The following GREB1L variants were observed in gnomAD, a reference collection of about 807,000 sequenced individuals.
GREB1L encodes GREB1 like retinoic acid receptor coactivator.
GREB1L carries 17 observed loss-of-function variants against 200.8 expected under a neutral mutation model. That is an observed-to-expected ratio of 0.08 (90% CI 0.06 to 0.13). The LOEUF is 0.13. Ranked by LOEUF, GREB1L falls within the 10% of genes least tolerant of loss-of-function variation. GREB1L has a pLI of 1.00. For synonymous variants in GREB1L, 789 were observed against 893.0 expected, an observed-to-expected ratio of 0.88 and a Z score of 2.08; for missense variants, 1,657 against 2,367.7, an observed-to-expected ratio of 0.70 and a Z score of 6.23.
intron 1 of GREB1L, among the ~76,000 whole-genome samples, chr18:21,273,415 A>G (rs567496816): frequency 5.9e-4 from 90 of 152,128 alleles, no homozygotes; most frequent in Non-Finnish European, 3.4e-4. Flanking sequence ...GTGGCCTTAT[A>G]TTTCACATCT....
At chr18:21,379,480 C>G (rs561439595) in intron 2 of GREB1L, among the ~76,000 whole-genome samples, 1 of 152,300 alleles carries the variant, frequency 6.6e-6, no homozygotes, top group South Asian at 2.1e-4. Context: ...GCTGAGATTA[C>G]TGATGTGAGC....
At chr18:21,457,395 C>G (rs2034817297) in intron 15 of GREB1L, among the ~76,000 whole-genome samples, 2 of 152,142 alleles carry the variant, frequency 1.3e-5, no homozygotes, top group African/African-American at 4.8e-5. Context: ...ACAATCACTT[C>G]TGTATATTTA....
At chr18:21,282,081 T>A (rs893361493) in intron 1 of GREB1L, among the ~76,000 whole-genome samples, 10 of 152,090 alleles carry the variant, frequency 6.6e-5, no homozygotes, top group African/African-American at 2.4e-4. Context: ...GAGACCAGCC[T>A]GAGTGACTTA....
rs1363959539 is a variant in GREB1L, at chr18:21,439,516, T to C, written c.833-5T>C. ...TCTGAGCACTCCTCTCCTTGTGTTC[T>C]ACAGATGCTGCTAATGGAAACAGTA... On this transcript the variant is annotated splice_region_variant and splice_polypyrimidine_tract_variant and intron_variant, in intron 7 of 32. Transcript: ENST00000424526. 33 of 1,515,024 alleles carry C rather than the reference T, an allele frequency of 2.2e-5. No individual in the cohort carries two copies. The highest frequency in any genetic ancestry group is 3.0e-5 in the Non-Finnish European group (33 of 1,113,486). 93.8% of individuals were successfully genotyped at this position (1,515,024 alleles called of 1,614,324 possible). A position where few individuals can be genotyped will look rare whatever the true frequency, so the allele number is the denominator to read the frequency against.
chr18:21,383,402 TAAC>T (rs1444193342), intron 2 of GREB1L, 105 bp from the exon 3 acceptor site: 5 of 797,004 alleles, frequency 6.3e-6, no homozygotes, highest in East Asian at 3.0e-5. Flanking sequence ...TTTCACATCT[TAAC>T]AAGATATATG....
Position 21,376,427 on chromosome 18 carries a change from A to G in GREB1L, c.-9-7083A>G, listed in dbSNP as rs1181794631. On this transcript the variant is annotated intron_variant, in intron 2 of 32. Coordinates refer to ENST00000424526, the MANE Select transcript of GREB1L (RefSeq NM_001142966.3). Reference sequence around the variant, plus strand: ...ATGAGCCACCTGGCCTATTTTTAAGAAAAAAAAAAAAAAAGCAAAAACAAA... The same window carrying G: ...ATGAGCCACCTGGCCTATTTTTAAGGAAAAAAAAAAAAAAGCAAAAACAAA... Among the ~76,000 whole-genome samples, 186 of 133,604 alleles carry G rather than the reference A, an allele frequency of 1.4e-3. No individual in the cohort carries two copies. The Middle Eastern group carries it at 0.015, about 11-fold the overall frequency. The allele number at this position is 133,604 out of a possible 152,430, so 87.6% of individuals were successfully genotyped here.
chr18:21,510,457 G>C (rs955246168), intron 27 of GREB1L, among the ~76,000 whole-genome samples: 2 of 152,174 alleles, frequency 1.3e-5, no homozygotes, highest in African/African-American at 4.8e-5. Context: ...TTTAGTGACT[G>C]ACTGGCTTAT....
In GREB1L at chr18:21,505,870, T is replaced by G; in HGVS notation, c.4289T>G (p.Leu1430Arg). The change falls in exon 25 of 33, where the codon CTG (leucine) becomes CGG (arginine). Residue 1430 changes from leucine to arginine, a missense_variant. Around this residue, in one of 9 missense-constraint regions of GREB1L, gnomAD observed 512 missense variants for 668.3 expected, o/e 0.77. Transcript: ENST00000424526. ...AAACGGGAAACTGTATCCATAATGCTGACCAAATATGCAGCCTATAACACC... is the reference window on the plus strand; with the variant it reads ...AAACGGGAAACTGTATCCATAATGCGGACCAAATATGCAGCCTATAACACC... ...PRKRETVSIM[L>R]TKYAAYNTFH... The G allele has an allele frequency of 6.4e-7, 1 of 1,552,152 alleles. No homozygotes were observed. The highest frequency in any genetic ancestry group is 8.7e-7 in the Non-Finnish European group (1 of 1,147,012).
chr18:21,439,672 A>G, intron 8 of GREB1L, 35 bp downstream of exon 8: 1 of 1,293,344 alleles, frequency 7.7e-7, no homozygotes, highest in Non-Finnish European at 1.1e-6. Flanking sequence ...GTAATAATGC[A>G]CTTACCAGTG....
intron 2 of GREB1L, among the ~76,000 whole-genome samples, chr18:21,367,884 A>G (rs2039734476): frequency 6.6e-6 from 1 of 152,220 alleles, no homozygotes; most frequent in African/African-American, 2.4e-5. Flanking sequence ...TCTTTACCAC[A>G]ACCCATGACC....
At chr18:21,437,740 C>T (rs531893651) in intron 7 of GREB1L, among the ~76,000 whole-genome samples, 1 of 152,252 alleles carries the variant, frequency 6.6e-6, no homozygotes, top group African/African-American at 2.4e-5. Flanking sequence ...AAAGGAAGGA[C>T]ATCTTATAGA....
intron 10 of GREB1L, among the ~76,000 whole-genome samples, chr18:21,443,507 A>T (rs2034030806): frequency 6.6e-6 from 1 of 152,234 alleles, no homozygotes. Flanking sequence ...TTGCCCAGCC[A>T]TATTGTCATT....
chr18:21,321,612 G>A (rs544165915), intron 1 of GREB1L, among the ~76,000 whole-genome samples: 152 of 152,114 alleles, frequency 1.0e-3, no homozygotes, highest in East Asian at 3.3e-3. Context: ...ACTTGAACCC[G>A]GGAGGCAGAG....
intron 23 of GREB1L, among the ~76,000 whole-genome samples, chr18:21,503,036 C>T (rs1160141411): frequency 6.6e-6 from 1 of 152,102 alleles, no homozygotes; most frequent in East Asian, 1.9e-4. Context: ...AAAAACTAAA[C>T]TAGGCTTGAA....
chr18:21,339,644 A>G (rs1000737964), intron 1 of GREB1L, among the ~76,000 whole-genome samples: 7 of 152,222 alleles, frequency 4.6e-5, no homozygotes, highest in Non-Finnish European at 1.0e-4. Context: ...TCATAATGTC[A>G]TTATAAGAAT....
In GREB1L at chr18:21,451,059, T is replaced by C; in HGVS notation, c.1757T>C (p.Leu586Pro). The C allele has an allele frequency of 6.4e-7, 1 of 1,552,044 alleles. No individual in the cohort carries two copies. The highest frequency in any genetic ancestry group is 8.7e-7 in the Non-Finnish European group (1 of 1,147,044). The change falls in exon 13 of 33, where the codon CTC (leucine) becomes CCC (proline). Residue 586 changes from leucine to proline, a missense_variant. Leu to Pro is a moderately conservative substitution (Grantham distance 98, BLOSUM62 -3). Transcript: ENST00000424526. ...HQSRALAESMLTTSEFLKEIS... is the reference protein window; with the variant it reads ...HQSRALAESMPTTSEFLKEIS... ...TCCCGAGCTCTGGCAGAGAGCATGC[T>C]CACCACAAGTGAGTTTTTGAAAGAA... is the stretch of plus-strand genomic sequence containing the variant.
chr18:21,268,532 C>CAA (rs2038014821), intron 1 of GREB1L, among the ~76,000 whole-genome samples: 1 of 86,848 alleles, frequency 1.2e-5, no homozygotes, highest in Non-Finnish European at 2.1e-5. Context: ...TACACACACA[C>CAA]ACACACACAC....
chr18:21,344,678 C>A (rs533891476), intron 1 of GREB1L, among the ~76,000 whole-genome samples: 1 of 152,246 alleles, frequency 6.6e-6, no homozygotes, highest in South Asian at 2.1e-4. Flanking sequence ...ATTTCAAAAT[C>A]TAAAGGAAAG....
In GREB1L at chr18:21,308,248, G is replaced by A. The variant is rs566140795; in HGVS notation, c.-119-57779G>A. Among the ~76,000 whole-genome samples, 65 of 152,232 alleles carry A rather than the reference G, an allele frequency of 4.3e-4. 1 individual carries two copies. The highest frequency in any genetic ancestry group is 1.3e-3 in the African/African-American group (55 of 41,540). ...GACAGCTTCTCCTTTACCTTCTTTA[G>A]TATTCAGTCAACGTTTATGAAATAG... On this transcript the variant is annotated intron_variant, in intron 1 of 32. Coordinates refer to ENST00000424526, the MANE Select transcript of GREB1L (RefSeq NM_001142966.3).
Sources: gnomAD v4.1 joint callset for allele counts (sites outside exome capture counted in the v4.1 genomes callset) on GRCh38, gnomAD v4.1.1 for gene constraint, gnomAD v4.1.1 regional missense constraint, MANE v1.5 for transcripts, NCBI Gene and HGNC (gene_info 2026-07-23, HGNC 2026-07-21) for gene names.